ZSCAN25: variants seen among roughly 807,000 people sequenced by gnomAD.
ZSCAN25 encodes zinc finger and SCAN domain containing 25.
A neutral mutation model predicts 38.7 loss-of-function variants in ZSCAN25; 27 were observed. The observed-to-expected ratio is 0.70, with a 90% CI of 0.51 to 0.96. ZSCAN25 has a LOEUF of 0.96. ZSCAN25 is among the 40% of genes least tolerant of loss of function. The pLI is 0.00. For synonymous variants in ZSCAN25, 273 were observed against 277.7 expected (o/e 0.98, Z 0.17); for missense variants, 637 against 705.9 (o/e 0.90, Z 1.11).
At position 99,619,880 on chromosome 7, in the gene ZSCAN25, A is replaced by G; in HGVS notation, c.274A>G (p.Thr92Ala). The G allele has an allele frequency of 6.2e-7, 1 of 1,614,208 alleles. No individual in the cohort carries two copies. The highest frequency in any genetic ancestry group is 1.3e-5 in the African/African-American group (1 of 75,060). ...LELLVLEQFLTILPREFYAWI... is the reference protein window; with the variant it reads ...LELLVLEQFLAILPREFYAWI... ...GCTGCTGGTGCTGGAGCAGTTCCTCACTATCCTGCCCCGCGAGTTCTACGC... is the reference window on the plus strand; with the variant it reads ...GCTGCTGGTGCTGGAGCAGTTCCTCGCTATCCTGCCCCGCGAGTTCTACGC... Residue 92 changes from threonine to alanine, a missense_variant, in exon 4 of 8, where the codon ACT (threonine) becomes GCT (alanine). Coordinates refer to ENST00000394152, the MANE Select transcript of ZSCAN25 (RefSeq NM_145115.3).
the ZSCAN25 span, among the ~76,000 whole-genome samples, chr7:99,691,362 G>T: frequency 6.6e-6 from 1 of 152,160 alleles, no homozygotes; most frequent in Non-Finnish European, 1.5e-5. Flanking sequence ...GTTAATGGGT[G>T]TGGCACACCA....
the ZSCAN25 span, chr7:99,705,258 A>G: frequency 2.3e-6 from 1 of 435,222 alleles, no homozygotes; most frequent in Non-Finnish European, 4.2e-6. Context: ...GTCCTATGAG[A>G]AGCAGAGAAG....
chr7:99,708,199 G>A, the ZSCAN25 span, among the ~76,000 whole-genome samples: 1 of 152,076 alleles, frequency 6.6e-6, no homozygotes. Context: ...TTGTTGAGAG[G>A]AGATAAATAC....
the ZSCAN25 span, among the ~76,000 whole-genome samples, chr7:99,686,750 A>ACCC: frequency 2.2e-5 from 3 of 133,364 alleles, no homozygotes; most frequent in African/African-American, 8.3e-5. Context: ...ACTGGGAGGC[A>ACCC]CCCCCCCCCC....
At chr7:99,642,451 G>C in the ZSCAN25 span, among the ~76,000 whole-genome samples, 1 of 152,216 alleles carries the variant, frequency 6.6e-6, no homozygotes, top group Non-Finnish European at 1.5e-5. Context: ...AGTCAGGTGA[G>C]AAGGAACCCT....
chr7:99,650,640 G>A, the ZSCAN25 span, among the ~76,000 whole-genome samples: 1 of 152,126 alleles, frequency 6.6e-6, no homozygotes, highest in Non-Finnish European at 1.5e-5. Flanking sequence ...AGGAGAAAAC[G>A]TCTTGTGCTA....
Position 99,631,403 on chromosome 7 carries a change from T to C in ZSCAN25, c.*1383T>C, listed in dbSNP as rs1347011013. The C allele has an allele frequency of 1.0e-6, 1 of 985,330 alleles. No homozygotes were observed. The highest frequency in any genetic ancestry group is 1.2e-6 in the Non-Finnish European group (1 of 829,942). The allele number at this position is 985,330 out of a possible 1,614,324, so 61.0% of individuals were successfully genotyped here. On this transcript the variant is annotated 3_prime_UTR_variant, in exon 8 of 8. Transcript: ENST00000394152. ...ATGAGAAGATGCAATATTTGTAAAC[T>C]GTTGAAGCTTCCTTATTGTGCCATC...
the ZSCAN25 span, chr7:99,660,403 T>C: frequency 6.7e-7 from 1 of 1,486,056 alleles, no homozygotes; most frequent in Non-Finnish European, 8.9e-7. Context: ...GAATCAGTGA[T>C]TATGCTTTTT....
the ZSCAN25 span, chr7:99,695,619 G>C: frequency 1.3e-6 from 1 of 768,608 alleles, no homozygotes; most frequent in South Asian, 1.6e-5. Context: ...TCTGGATGAT[G>C]CCTATACACT....
chr7:99,674,023 G>GT, the ZSCAN25 span, among the ~76,000 whole-genome samples: 2 of 152,068 alleles, frequency 1.3e-5, no homozygotes, highest in African/African-American at 2.4e-5. Context: ...GTCACTAATT[G>GT]TTTTTTAACC....
At chr7:99,647,606 T>A in the ZSCAN25 span, 2 of 985,212 alleles carry the variant, frequency 2.0e-6, no homozygotes, top group Non-Finnish European at 2.4e-6. Flanking sequence ...TGATAAGTGC[T>A]TCGTTGAGTG....
At chr7:99,678,574 T>A in the ZSCAN25 span, among the ~76,000 whole-genome samples, 1 of 152,234 alleles carries the variant, frequency 6.6e-6, no homozygotes, top group Admixed American at 6.5e-5. Context: ...AAAGGTGACA[T>A]TATTTTACAC....
chr7:99,654,397 C>T, the ZSCAN25 span, among the ~76,000 whole-genome samples: 1 of 152,164 alleles, frequency 6.6e-6, no homozygotes, highest in Admixed American at 6.5e-5. Flanking sequence ...CATGTCTCTA[C>T]AAAGGACATG....
At chr7:99,638,171 A>G in the ZSCAN25 span, 1 of 1,317,940 alleles carries the variant, frequency 7.6e-7, no homozygotes, top group East Asian at 2.5e-5. Context: ...GAAAGAGGAG[A>G]TGGTGGCGAT....
the ZSCAN25 span, among the ~76,000 whole-genome samples, chr7:99,650,514 G>T: frequency 6.6e-6 from 1 of 152,072 alleles, no homozygotes; most frequent in Non-Finnish European, 1.5e-5. Flanking sequence ...TTATATTCAG[G>T]GTGGTGATGT....
chr7:99,676,491 G>A, the ZSCAN25 span: 1 of 1,395,572 alleles, frequency 7.2e-7, no homozygotes, highest in Non-Finnish European at 9.5e-7. Flanking sequence ...GCTCCTGAGA[G>A]GTTCAGGCAG....
At chr7:99,672,794 A>G in the ZSCAN25 span, 1 of 1,547,546 alleles carries the variant, frequency 6.5e-7, no homozygotes, top group Non-Finnish European at 8.7e-7. Flanking sequence ...CCCTAGTTGT[A>G]CGACACACAG....
chr7:99,657,893 G>C, the ZSCAN25 span, among the ~76,000 whole-genome samples: 159 of 152,218 alleles, frequency 1.0e-3, 1 homozygote, highest in African/African-American at 3.8e-3. Context: ...TTATCAGAGA[G>C]TAGGATTGCA....
the ZSCAN25 span, chr7:99,648,191 C>T: frequency 1.4e-6 from 2 of 1,451,904 alleles, no homozygotes; most frequent in Non-Finnish European, 1.8e-6. Context: ...ACTACTCATG[C>T]AGTACATTAG....
Sources: gnomAD v4.1 joint callset for allele counts (sites outside exome capture counted in the v4.1 genomes callset) on GRCh38, gnomAD v4.1.1 for gene constraint, MANE v1.5 for transcripts, NCBI Gene and HGNC (gene_info 2026-07-23, HGNC 2026-07-21) for gene names.